The following GPC5 variants were observed in gnomAD, a reference collection of about 807,000 sequenced individuals.
The protein encoded by GPC5 is glypican 5.
A neutral mutation model predicts 53.9 loss-of-function variants in GPC5; 47 were observed. The ratio of observed to expected loss-of-function variants is 0.87; its 90% CI spans 0.69 to 1.11. The LOEUF is 1.11. GPC5 is among the 50% of genes most tolerant of loss of function. The probability of loss-of-function intolerance (pLI) is 0.00; values close to 1 mark genes in which losing one functional copy is unlikely to be tolerated. For missense variants in GPC5, 748 were observed against 713.1 expected, an observed-to-expected ratio of 1.05 and a Z score of -0.56; for synonymous variants, 286 against 263.3, an observed-to-expected ratio of 1.09 and a Z score of -0.84.
chr13:92,561,170 C>A (rs1882683227), intron 7 of GPC5, among the ~76,000 whole-genome samples: 1 of 151,874 alleles, frequency 6.6e-6, no homozygotes, highest in African/African-American at 2.4e-5. Flanking sequence ...GCACAGTCTA[C>A]TGTATTTTTC....
At chr13:91,959,285 A>G (rs1188430195) in intron 6 of GPC5, among the ~76,000 whole-genome samples, 1 of 152,062 alleles carries the variant, frequency 6.6e-6, no homozygotes, top group Non-Finnish European at 1.5e-5. Context: ...CTATATACTC[A>G]CAAACAGGAA....
intron 7 of GPC5, among the ~76,000 whole-genome samples, chr13:92,698,677 A>T (rs1227684918): frequency 6.6e-6 from 1 of 152,150 alleles, no homozygotes; most frequent in Non-Finnish European, 1.5e-5. Flanking sequence ...TTGGGTTTAT[A>T]CCCAGTAATG....
chr13:92,445,391 T>G (rs1287106208), intron 7 of GPC5, among the ~76,000 whole-genome samples: 1 of 149,322 alleles, frequency 6.7e-6, no homozygotes, highest in Non-Finnish European at 1.5e-5. Context: ...TGTATACATG[T>G]GCCATGCTGG....
chr13:92,461,718 G>A (rs1878487896), intron 7 of GPC5, among the ~76,000 whole-genome samples: 1 of 152,132 alleles, frequency 6.6e-6, no homozygotes, highest in African/African-American at 2.4e-5. Flanking sequence ...CACTTCATGA[G>A]CACACAACAG....
chr13:92,305,992 G>A (rs1384438743), intron 7 of GPC5, among the ~76,000 whole-genome samples: 1 of 152,214 alleles, frequency 6.6e-6, no homozygotes, highest in Non-Finnish European at 1.5e-5. Flanking sequence ...TATTTCAAAT[G>A]AAGCAGAGAG....
At chr13:91,741,207 A>C (rs1001891798) in intron 4 of GPC5, among the ~76,000 whole-genome samples, 1 of 152,182 alleles carries the variant, frequency 6.6e-6, no homozygotes, top group Non-Finnish European at 1.5e-5. Context: ...ACAAAATATA[A>C]ATTTTGAGTT....
chr13:91,899,114 C>T (rs2039471653), intron 5 of GPC5, among the ~76,000 whole-genome samples: 1 of 152,092 alleles, frequency 6.6e-6, no homozygotes. Flanking sequence ...AATAAACTAG[C>T]CCTTCATTGC....
chr13:92,668,616 A>AT (rs1886648156), intron 7 of GPC5, among the ~76,000 whole-genome samples: 2 of 151,928 alleles, frequency 1.3e-5, no homozygotes, highest in Admixed American at 1.3e-4. Flanking sequence ...TGTCATTGTT[A>AT]TTTTTCTTTT....
chr13:92,614,483 C>T (rs1006824129), intron 7 of GPC5, among the ~76,000 whole-genome samples: 28 of 152,164 alleles, frequency 1.8e-4, no homozygotes, highest in African/African-American at 6.5e-4. Flanking sequence ...ATAAATCTAT[C>T]ATAAAAGTCA....
intron 3 of GPC5, among the ~76,000 whole-genome samples, chr13:91,705,842 T>C (rs1163294905): frequency 2.0e-5 from 3 of 151,968 alleles, no homozygotes; most frequent in Non-Finnish European, 4.4e-5. Context: ...TTGAGCCATC[T>C]CTAGTTACAT....
chr13:92,844,699 G>C lies in GPC5; in HGVS notation c.1562-21583G>C, dbSNP rs146567245. ...TTGATTTCCTAAATATATTCACTTC[G>C]TATTTTGGAAATCCTGATCAGTATT... On this transcript the variant is annotated intron_variant, in intron 7 of 7. Transcript: ENST00000377067. Among the ~76,000 whole-genome samples, 1,008 of 152,058 alleles carry C rather than the reference G, an allele frequency of 6.6e-3. 14 individuals carry two copies. The highest frequency in any genetic ancestry group is 0.023 in the African/African-American group (956 of 41,464).
chr13:91,604,470 T>G (rs960142567), intron 2 of GPC5, among the ~76,000 whole-genome samples: 16 of 151,112 alleles, frequency 1.1e-4, no homozygotes, highest in African/African-American at 3.7e-4. Context: ...ATATACCCAG[T>G]AATGGGATGG....
chr13:92,352,389 G>T (rs970031695), intron 7 of GPC5, among the ~76,000 whole-genome samples: 1 of 152,084 alleles, frequency 6.6e-6, no homozygotes, highest in Non-Finnish European at 1.5e-5. Context: ...TATATTAAGA[G>T]AATTAATTCT....
chr13:92,233,877 C>T (rs1290621731), intron 7 of GPC5, among the ~76,000 whole-genome samples: 1 of 151,310 alleles, frequency 6.6e-6, no homozygotes, highest in Non-Finnish European at 1.5e-5. Flanking sequence ...TCTCATTGTT[C>T]AATTCCCACC....
At chr13:92,180,351 A>G (rs1242550335) in intron 7 of GPC5, among the ~76,000 whole-genome samples, 2 of 152,230 alleles carry the variant, frequency 1.3e-5, no homozygotes, top group Non-Finnish European at 2.9e-5. Flanking sequence ...TATCCAATAA[A>G]ACAAAAGAAA....
chr13:91,810,952 A>C (rs942264629), intron 5 of GPC5, among the ~76,000 whole-genome samples: 7 of 151,478 alleles, frequency 4.6e-5, no homozygotes, highest in Non-Finnish European at 8.9e-5. Context: ...AAAAAAAAAA[A>C]AAGAACCCAG....
chr13:91,715,102 G>C (rs1403675904), intron 3 of GPC5, among the ~76,000 whole-genome samples: 3 of 152,178 alleles, frequency 2.0e-5, no homozygotes, highest in African/African-American at 7.2e-5. Context: ...TGGGTCATCT[G>C]GTCATGGCTG....
intron 7 of GPC5, among the ~76,000 whole-genome samples, chr13:92,166,113 G>A (rs898044107): frequency 6.6e-6 from 1 of 152,188 alleles, no homozygotes; most frequent in Non-Finnish European, 1.5e-5. Context: ...GTTGGAAAGG[G>A]TATTTATAAA....
At chr13:91,743,985 CT>C (rs2036993324) in intron 4 of GPC5, among the ~76,000 whole-genome samples, 1 of 152,002 alleles carries the variant, frequency 6.6e-6, no homozygotes, top group African/African-American at 2.4e-5. Flanking sequence ...CTGAGGCTCT[CT>C]TTTTGATCTA....
Sources: allele counts gnomAD v4.1 joint callset (sites outside exome capture counted in the v4.1 genomes callset), GRCh38; gene constraint gnomAD v4.1.1; transcripts MANE v1.5; gene names NCBI Gene and HGNC (gene_info 2026-07-23, HGNC 2026-07-21).